Variants in RNF138 observed in about 807,000 individuals in gnomAD.
The protein encoded by RNF138 is E3 ubiquitin-protein ligase RNF138.
A neutral mutation model predicts 31.0 loss-of-function variants in RNF138; 12 were observed. The observed-to-expected ratio is 0.39, with a 90% CI of 0.25 to 0.63. The LOEUF (loss-of-function observed/expected upper bound fraction) is 0.63, where lower values mean the gene tolerates loss of function less well. Among genes scored for constraint, RNF138 ranks in the 20% least tolerant of loss-of-function variants. The pLI is 0.52. For missense variants in RNF138, 192 were observed against 300.1 expected, an observed-to-expected ratio of 0.64 and a Z score of 2.66; for synonymous variants, 105 against 99.5, an observed-to-expected ratio of 1.06 and a Z score of -0.33.
intron 2 of RNF138, among the ~76,000 whole-genome samples, chr18:32,107,116 CTTTTTTTT>C (rs58774714): frequency 3.0e-5 from 3 of 100,590 alleles, no homozygotes; most frequent in African/African-American, 8.0e-5. Flanking sequence ...TCCTTTTTTC[CTTTTTTTT>C]TTTTTTTTTT....
chr18:32,092,530 G>A (rs2039711621), intron 1 of RNF138, 170 bp from the exon 2 acceptor site: 2 of 491,866 alleles, frequency 4.1e-6, no homozygotes, highest in Non-Finnish European at 3.6e-6. Flanking sequence ...GCCAAGCACC[G>A]TCCCCCATCC....
chr18:32,095,076 G>GA (rs1439277360), intron 2 of RNF138, among the ~76,000 whole-genome samples: 4 of 152,158 alleles, frequency 2.6e-5, no homozygotes, highest in Non-Finnish European at 5.9e-5. Context: ...GGCAGAGGGA[G>GA]AAAAAAAGTT....
chr18:32,099,160 A>G lies in RNF138; in HGVS notation c.110+6274A>G, dbSNP rs184807618. ...AAATGTAAAGAGACCTTTTTTGGTT[A>G]TAGGGTAATGCCCTGTTCTGAAGAT... On this transcript the variant is annotated intron_variant, in intron 2 of 7. Transcript: ENST00000261593. 4.4e-3 allele frequency among the ~76,000 whole-genome samples: 669 copies of G among 152,070 alleles called. 2 individuals carry two copies. The highest frequency in any genetic ancestry group is 7.7e-3 in the Non-Finnish European group (526 of 67,984).
chr18:32,113,998 C>CAGA (rs1179464528), intron 4 of RNF138, 138 bp downstream of exon 4: 2 of 507,538 alleles, frequency 3.9e-6, no homozygotes, highest in African/African-American at 4.1e-5. Flanking sequence ...TGCCAAGTAT[C>CAGA]AGAACTACAG....
At chr18:32,120,228 G>A (rs974092501) in intron 4 of RNF138, among the ~76,000 whole-genome samples, 1 of 152,056 alleles carries the variant, frequency 6.6e-6, no homozygotes, top group African/African-American at 2.4e-5. Context: ...CCCCATGTCA[G>A]TATTACCCTG....
At chr18:32,125,133 T>G in intron 6 of RNF138, 4 of 232,088 alleles carry the variant, frequency 1.7e-5, no homozygotes, top group Non-Finnish European at 3.4e-5. Context: ...TCCTGCGCAG[T>G]AGCACAACCT....
At chr18:32,102,195 CTTTT>C (rs1167535943) in intron 2 of RNF138, among the ~76,000 whole-genome samples, 2 of 63,812 alleles carry the variant, frequency 3.1e-5, no homozygotes, top group Non-Finnish European at 5.6e-5. Context: ...CTTTTAGTTT[CTTTT>C]TTTTTTTTTT....
chr18:32,113,415 A>T (rs1226430707), intron 3 of RNF138, among the ~76,000 whole-genome samples: 2 of 152,138 alleles, frequency 1.3e-5, no homozygotes, highest in Non-Finnish European at 2.9e-5. Context: ...GAAGTTAAAT[A>T]ATAAGACATG....
At chr18:32,121,010 C>T (rs1403413938) in intron 4 of RNF138, among the ~76,000 whole-genome samples, 16 of 151,882 alleles carry the variant, frequency 1.1e-4, no homozygotes, top group African/African-American at 1.9e-4. Flanking sequence ...GTGGCATGGC[C>T]GATAGACCCA....
chr18:32,122,125 G>A (rs982296288), intron 4 of RNF138, among the ~76,000 whole-genome samples: 4 of 151,960 alleles, frequency 2.6e-5, no homozygotes, highest in Admixed American at 1.3e-4. Flanking sequence ...CCTCAGCCTT[G>A]CAAAGTGCTG....
At chr18:32,119,563 A>G (rs908626544) in intron 4 of RNF138, among the ~76,000 whole-genome samples, 1 of 152,148 alleles carries the variant, frequency 6.6e-6, no homozygotes. Flanking sequence ...AGCTGGGACT[A>G]CAGGCATGTG....
At chr18:32,093,981 C>CG (rs1307760380) in intron 2 of RNF138, among the ~76,000 whole-genome samples, 3 of 151,926 alleles carry the variant, frequency 2.0e-5, no homozygotes, top group African/African-American at 7.3e-5. Context: ...TTAGTAGAGA[C>CG]GGGGTTTCAC....
At chr18:32,110,337 T>G (rs990458451) in intron 2 of RNF138, among the ~76,000 whole-genome samples, 1 of 152,222 alleles carries the variant, frequency 6.6e-6, no homozygotes, top group African/African-American at 2.4e-5. Flanking sequence ...CTTCTAGTGC[T>G]GCTTTAATGA....
At chr18:32,113,910 A>T (rs1291308890) in intron 4 of RNF138, 50 bp downstream of exon 4, 1 of 968,380 alleles carries the variant, frequency 1.0e-6, no homozygotes, top group South Asian at 1.5e-5. Flanking sequence ...TGAAATGGAA[A>T]TTGTTTTGGG....
chr18:32,111,956 A>G (rs2040139115), intron 3 of RNF138, 37 bp downstream of exon 3: 3 of 1,507,310 alleles, frequency 2.0e-6, no homozygotes, highest in South Asian at 1.3e-5. Context: ...TTTGGAAGCC[A>G]AGTTTCTACT....
rs1272598825 is a variant in RNF138, at chr18:32,130,231, A to G, written c.*1044A>G. 6.6e-6 allele frequency: 1 copy of G among 152,236 alleles called. No individual in the cohort carries two copies. Among genetic ancestry groups the G allele is most frequent in the Non-Finnish European group, 1.5e-5 (1 of 67,862 alleles). 9.4% of individuals were successfully genotyped at this position (152,236 alleles called of 1,614,324 possible). On this transcript the variant is annotated 3_prime_UTR_variant, in exon 8 of 8. Transcript: ENST00000261593. Reference sequence around the variant, plus strand: ...TGTTTAAAATTTTGTATATCACCAAATTTTTAAAAAGTGATAGTCACAGTG... The same window carrying G: ...TGTTTAAAATTTTGTATATCACCAAGTTTTTAAAAAGTGATAGTCACAGTG...
intron 3 of RNF138, among the ~76,000 whole-genome samples, chr18:32,112,840 TGA>T (rs1192572741): frequency 6.6e-6 from 1 of 152,244 alleles, no homozygotes; most frequent in African/African-American, 2.4e-5. Context: ...GGTTAGGCTT[TGA>T]GTATATCCAT....
intron 4 of RNF138, among the ~76,000 whole-genome samples, chr18:32,116,177 C>A (rs1038670094): frequency 5.3e-5 from 8 of 152,238 alleles, no homozygotes; most frequent in Admixed American, 1.3e-4. Flanking sequence ...TCCTCATTAT[C>A]ACTCCCTCAC....
chr18:32,120,497 T>C (rs1366769899), intron 4 of RNF138, among the ~76,000 whole-genome samples: 1 of 152,206 alleles, frequency 6.6e-6, no homozygotes, highest in Non-Finnish European at 1.5e-5. Flanking sequence ...TGTTTTATTA[T>C]GGAGATTGAA....
Sources: gnomAD v4.1 joint callset for allele counts (sites outside exome capture counted in the v4.1 genomes callset) on GRCh38, gnomAD v4.1.1 for gene constraint, MANE v1.5 for transcripts, NCBI Gene and HGNC (gene_info 2026-07-23, HGNC 2026-07-21) for gene names.